The following TUBGCP3 variants were observed in gnomAD, a reference collection of about 807,000 sequenced individuals.
TUBGCP3 encodes the protein gamma-tubulin complex component 3.
In TUBGCP3, 50 loss-of-function variants were observed where a neutral mutation model predicts 123.1. The ratio of observed to expected loss-of-function variants is 0.41; its 90% CI spans 0.32 to 0.51. The LOEUF is 0.51. TUBGCP3 is among the 20% of genes least tolerant of loss of function. TUBGCP3 has a pLI of 0.36. For synonymous variants in TUBGCP3, 405 were observed against 413.9 expected, an observed-to-expected ratio of 0.98 and a Z score of 0.26; for missense variants, 882 against 1,127.0, an observed-to-expected ratio of 0.78 and a Z score of 3.11.
In TUBGCP3 at chr13:112,524,376, G is replaced by A. The variant is rs1369554605; in HGVS notation, c.1556-1867C>T. On this transcript the variant is annotated intron_variant, in intron 13 of 21. Coordinates refer to ENST00000261965, the MANE Select transcript of TUBGCP3 (RefSeq NM_006322.6). The surrounding 1 kb of genome is among the most constrained non-coding windows in gnomAD (Gnocchi z 4.4). ...AGGGGCCGCCAGCAGCACAGCAGAC[G>A]CGGTGCTCACACAAGCAGCAGCAAC... Among the ~76,000 whole-genome samples the A allele has an allele frequency of 6.6e-6, 1 of 152,110 alleles. No homozygotes were observed. The highest frequency in any genetic ancestry group is 2.4e-5 in the African/African-American group (1 of 41,400).
At position 112,491,713 on chromosome 13, in the gene TUBGCP3, T is replaced by A. The variant is rs115748808; in HGVS notation, c.2449-2016A>T. Among the ~76,000 whole-genome samples, 610 of 152,318 alleles carry A rather than the reference T, an allele frequency of 4.0e-3. 2 individuals carry two copies. The highest frequency in any genetic ancestry group is 0.013 in the African/African-American group (553 of 41,556). The stretch of plus-strand genomic sequence containing the variant: ...ATTGCCCAGGCAGCTCTCCAACTCC[T>A]GGGCTCAAGCTATGCTCCCACCTCT... On this transcript the variant is annotated intron_variant, in intron 20 of 21. Coordinates refer to ENST00000261965, the MANE Select transcript of TUBGCP3 (RefSeq NM_006322.6).
At chr13:112,503,880 G>A (rs1255196850) in intron 19 of TUBGCP3, 152 bp downstream of exon 19, 1 of 980,588 alleles carries the variant, frequency 1.0e-6, no homozygotes, top group Admixed American at 2.8e-5. Flanking sequence ...TTCAGAAACT[G>A]TACCTTCAAC....
chr13:112,558,138 C>A, intron 5 of TUBGCP3, 58 bp downstream of exon 5: 1 of 1,525,918 alleles, frequency 6.6e-7, no homozygotes, highest in African/African-American at 1.4e-5. Flanking sequence ...GGTTAACAGC[C>A]TGCAGGCGTC....
At chr13:112,493,512 T>C (rs1237632540) in intron 20 of TUBGCP3, among the ~76,000 whole-genome samples, 34 of 88,570 alleles carry the variant, frequency 3.8e-4, no homozygotes, top group South Asian at 8.4e-4. Flanking sequence ...GCTATGGGAA[T>C]GGGACCTGGT....
At chr13:112,579,794 T>C (rs1882153351) in intron 1 of TUBGCP3, among the ~76,000 whole-genome samples, 1 of 152,240 alleles carries the variant, frequency 6.6e-6, no homozygotes, top group South Asian at 2.1e-4. Flanking sequence ...CTGAAAACAA[T>C]GAGCATGCAC....
intron 3 of TUBGCP3, among the ~76,000 whole-genome samples, chr13:112,562,807 A>G (rs1880624508): frequency 1.3e-5 from 2 of 152,248 alleles, no homozygotes; most frequent in African/African-American, 2.4e-5. Context: ...GTACGTGAAG[A>G]AAGTCTTATC....
intron 17 of TUBGCP3, among the ~76,000 whole-genome samples, chr13:112,506,339 C>T (rs1237037968): frequency 6.6e-6 from 1 of 152,216 alleles, no homozygotes; most frequent in East Asian, 1.9e-4. Context: ...AGCGCCTCCC[C>T]TGCCAATGGC....
chr13:112,527,077 C>A, intron 12 of TUBGCP3, 27 bp from the exon 13 acceptor site: 5 of 1,545,936 alleles, frequency 3.2e-6, no homozygotes, highest in East Asian at 2.3e-5. Context: ...TCTATGATTA[C>A]TTTTATGTAA....
At chr13:112,493,667 G>A (rs1267671557) in intron 20 of TUBGCP3, among the ~76,000 whole-genome samples, 1 of 143,148 alleles carries the variant, frequency 7.0e-6, no homozygotes, top group Non-Finnish European at 1.5e-5. Flanking sequence ...ATGGGAACGT[G>A]GCCTGGTGTC....
intron 18 of TUBGCP3, 127 bp from the exon 19 acceptor site, chr13:112,504,290 C>T: frequency 5.8e-6 from 7 of 1,199,762 alleles, no homozygotes; most frequent in Non-Finnish European, 6.9e-6. Context: ...GAGTTAGAAA[C>T]CAGCCTGGCC....
At position 112,505,034 on chromosome 13, in the gene TUBGCP3, T is replaced by C. The variant is rs188843880; in HGVS notation, c.2087-320A>G. Among the ~76,000 whole-genome samples the C allele has an allele frequency of 3.8e-3, 578 of 152,334 alleles. 6 individuals are homozygous for C. Among genetic ancestry groups the C allele is most frequent in the African/African-American group, 0.012 (504 of 41,578 alleles). Reference sequence around the variant, plus strand: ...ATAATAACGCAGTGCACTGAATAAATAGAAGCTCTACTTCATGGCTTTACA... The same window carrying C: ...ATAATAACGCAGTGCACTGAATAAACAGAAGCTCTACTTCATGGCTTTACA... On this transcript the variant is annotated intron_variant, in intron 17 of 21. Transcript: ENST00000261965.
chr13:112,499,160 A>G lies in TUBGCP3; in HGVS notation c.2333T>C (p.Val778Ala). Residue 778 changes from valine (V) to alanine (A), a missense_variant, in exon 20 of 22, where the codon GTG becomes GCG. Physicochemically the swap from Val to Ala is moderately conservative, Grantham distance 64 (BLOSUM62 0). Around this residue, in one of 3 missense-constraint regions of TUBGCP3, gnomAD observed 160 missense variants for 220.3 expected, o/e 0.73. Coordinates refer to ENST00000261965, the MANE Select transcript of TUBGCP3 (RefSeq NM_006322.6). ...CTGAAGTTCAATAATTTGATCAAAC[A>G]CAGCTCTAAGTTGATTTAAAAGTGC... ...SRALLNQLRA[V>A]FDQIIELQNA... 1 of 1,613,570 alleles carries G rather than the reference A, an allele frequency of 6.2e-7. No homozygotes were observed. Among genetic ancestry groups the G allele is most frequent in the Non-Finnish European group, 8.5e-7 (1 of 1,179,880 alleles).
intron 14 of TUBGCP3, among the ~76,000 whole-genome samples, chr13:112,520,331 C>T (rs1011275702): frequency 2.0e-5 from 3 of 152,118 alleles, no homozygotes; most frequent in Non-Finnish European, 4.4e-5. Flanking sequence ...GAGTTTGAGA[C>T]CAGCCTGGCC....
intron 5 of TUBGCP3, among the ~76,000 whole-genome samples, chr13:112,557,161 C>T (rs943640498): frequency 6.6e-6 from 1 of 152,190 alleles, no homozygotes; most frequent in Non-Finnish European, 1.5e-5. Context: ...AAAAGACTTT[C>T]AGTTCAAAGT....
chr13:112,493,547 G>T, intron 20 of TUBGCP3, among the ~76,000 whole-genome samples: 1 of 149,266 alleles, frequency 6.7e-6, no homozygotes, highest in Admixed American at 6.7e-5. Context: ...CTACCTTTGG[G>T]AACAGGGCCT....
chr13:112,513,343 T>C (rs1331767349), intron 17 of TUBGCP3, among the ~76,000 whole-genome samples: 6 of 152,322 alleles, frequency 3.9e-5, no homozygotes, highest in African/African-American at 1.2e-4. Flanking sequence ...CCAGGATTGG[T>C]AGAGGCGTGA....
Position 112,554,066 on chromosome 13 carries a change from G to T in TUBGCP3, c.957C>A (p.Leu319=), listed in dbSNP as rs148082300. 1 of 1,612,404 alleles carries T rather than the reference G, an allele frequency of 6.2e-7. No individual in the cohort carries two copies. The highest frequency in any genetic ancestry group is 8.5e-7 in the Non-Finnish European group (1 of 1,179,648). Residue 319 remains leucine (L), a synonymous_variant, in exon 8 of 22, where the codon CTC becomes CTA. Transcript: ENST00000261965. ...GGAACCATGAACGCACCTGCCCGAC[G>T]AGTCCGAATGAGCGGTCCAGGCTCC... ...DQRSLDRSFG[L]VGQSFCAALH...
intron 4 of TUBGCP3, 92 bp from the exon 5 acceptor site, chr13:112,558,505 C>T (rs1360768106): frequency 1.8e-6 from 2 of 1,141,172 alleles, no homozygotes; most frequent in East Asian, 4.9e-5. Flanking sequence ...GATTTTCCTT[C>T]TATTTCTGTA....
intron 17 of TUBGCP3, among the ~76,000 whole-genome samples, chr13:112,506,633 C>A (rs1165590636): frequency 3.3e-5 from 5 of 152,190 alleles, no homozygotes; most frequent in Admixed American, 6.5e-5. Flanking sequence ...CTACAACACA[C>A]AGATATGGTC....
Sources: gnomAD v4.1 joint callset for allele counts (sites outside exome capture counted in the v4.1 genomes callset) on GRCh38, gnomAD v4.1.1 for gene constraint, gnomAD v4.1.1 regional missense constraint, Gnocchi (gnomAD v3.1) non-coding constraint, MANE v1.5 for transcripts, NCBI Gene and HGNC (gene_info 2026-07-23, HGNC 2026-07-21) for gene names.